The following CBL variants were observed in gnomAD, a reference collection of about 807,000 sequenced individuals.
The protein encoded by CBL is E3 ubiquitin-protein ligase CBL.
CBL carries 45 observed loss-of-function variants against 96.9 expected under a neutral mutation model. That is an observed-to-expected ratio of 0.46 (90% confidence interval 0.37 to 0.60). The LOEUF is 0.60. Among genes scored for constraint, CBL ranks in the 20% least tolerant of loss-of-function variants. The probability of loss-of-function intolerance (pLI) is 0.00; values close to 1 mark genes in which losing one functional copy is unlikely to be tolerated. For synonymous variants in CBL, 420 were observed against 426.8 expected (o/e 0.98, Z 0.20); for missense variants, 1,024 against 1,143.5 (o/e 0.90, Z 1.51).
intron 1 of CBL, among the ~76,000 whole-genome samples, chr11:119,211,073 C>G (rs1324518607): frequency 6.6e-6 from 1 of 151,966 alleles, no homozygotes; most frequent in Non-Finnish European, 1.5e-5. Flanking sequence ...TGTAGTCTTC[C>G]AAAATATCTT....
intron 2 of CBL, among the ~76,000 whole-genome samples, chr11:119,256,400 T>TG (rs1421105220): frequency 3.3e-5 from 5 of 152,064 alleles, no homozygotes; most frequent in Non-Finnish European, 7.4e-5. Context: ...AGGCTAGTCT[T>TG]GAACTCCTGA....
rs1324514051 is a variant in CBL, at chr11:119,304,399, G to T, written c.*4618G>T. ...AGAAATGTTCAAGCGGAATAAAGGA[G>T]GGAGTGGAGTTGTGGTAAGGATGCA... On this transcript the variant is annotated 3_prime_UTR_variant, in exon 16 of 16. Coordinates refer to ENST00000264033, the MANE Select transcript of CBL (RefSeq NM_005188.4). 5 of 233,092 alleles carry T rather than the reference G, an allele frequency of 2.1e-5. No individual in the cohort carries two copies. In the East Asian group the frequency reaches 2.4e-4, roughly 11 times the overall value. The allele number at this position is 233,092 out of a possible 1,614,324, so 14.4% of individuals were successfully genotyped here.
intron 2 of CBL, among the ~76,000 whole-genome samples, chr11:119,237,606 C>T (rs1949555327): frequency 6.6e-6 from 1 of 151,982 alleles, no homozygotes; most frequent in Admixed American, 6.6e-5. Context: ...TGTGGATATC[C>T]CTTTGTCTCA....
chr11:119,217,487 T>A (rs1949371787), intron 1 of CBL, among the ~76,000 whole-genome samples: 1 of 152,188 alleles, frequency 6.6e-6, no homozygotes, highest in Non-Finnish European at 1.5e-5. Context: ...AACCAGTACT[T>A]CTCAGATTTT....
rs748055961 is a variant in CBL at position 119,278,639 on chromosome 11, C to T, written c.1357C>T (p.Pro453Ser). The part of the protein sequence containing the change: ...LRQGAEGAPS[P>S]NYDDDDDERA... ...GCAAGGAGCAGAGGGAGCTCCCTCC[C>T]CAAATTATGATGATGATGATGATGA... Residue 453 changes from proline to serine, a missense_variant, in exon 9 of 16, where the codon CCA becomes TCA. Coordinates refer to ENST00000264033, the MANE Select transcript of CBL (RefSeq NM_005188.4). The T allele has an allele frequency of 7.4e-6, 12 of 1,613,888 alleles. No homozygotes were observed. The Admixed American group carries it at 1.7e-4, about 22-fold the overall frequency.
intron 9 of CBL, 26 bp downstream of exon 9, chr11:119,278,739 C>T: frequency 6.3e-7 from 1 of 1,576,970 alleles, no homozygotes; most frequent in Non-Finnish European, 8.7e-7. Context: ...AGGAGACTGG[C>T]AAAATCCATT....
intron 1 of CBL, among the ~76,000 whole-genome samples, chr11:119,219,361 A>G (rs1438492536): frequency 1.3e-5 from 2 of 148,524 alleles, no homozygotes; most frequent in East Asian, 4.1e-4. Flanking sequence ...CTGGGCACAG[A>G]GTGAGACTCT....
chr11:119,258,159 C>G (rs897132711), intron 2 of CBL, among the ~76,000 whole-genome samples: 3 of 151,976 alleles, frequency 2.0e-5, no homozygotes, highest in Admixed American at 2.0e-4. Context: ...ACCTGGGAGG[C>G]GGAGGTTGCA....
intron 2 of CBL, among the ~76,000 whole-genome samples, chr11:119,266,032 A>AAAAAAAAAAAG (rs1213584463): frequency 1.1e-4 from 16 of 148,862 alleles, no homozygotes; most frequent in Admixed American, 4.1e-4. Flanking sequence ...AAAAAAAAAA[A>AAAAAAAAAAAG]AAAGAAAGAA....
At chr11:119,299,390 G>C in intron 15 of CBL, 105 bp from the exon 16 acceptor site, 2 of 1,079,476 alleles carry the variant, frequency 1.9e-6, no homozygotes, top group South Asian at 1.3e-5. Flanking sequence ...CATGTACCCA[G>C]TTTACAGGAA....
At position 119,273,864 on chromosome 11, in the gene CBL, C is replaced by G; in HGVS notation, c.591-4C>G. 1 of 1,613,656 alleles carries G rather than the reference C, an allele frequency of 6.2e-7. No homozygotes were observed. Among genetic ancestry groups the G allele is most frequent in the Non-Finnish European group, 8.5e-7 (1 of 1,179,536 alleles). ...TTTATGCCTCCTCTCCACCCCCTCCCCAGGACAATAGTCCCTTGGAAGAGC... is the reference window on the plus strand; with the variant it reads ...TTTATGCCTCCTCTCCACCCCCTCCGCAGGACAATAGTCCCTTGGAAGAGC... On this transcript the variant is annotated splice_polypyrimidine_tract_variant and splice_region_variant and intron_variant, in intron 3 of 15. Transcript: ENST00000264033.
chr11:119,265,104 T>G (rs10892342), intron 2 of CBL, among the ~76,000 whole-genome samples: 1 of 151,862 alleles, frequency 6.6e-6, no homozygotes, highest in Non-Finnish European at 1.5e-5. Context: ...TGGTCTCAAA[T>G]TCCTGAGTTC....
chr11:119,282,362 C>G (rs1949942856), intron 9 of CBL, among the ~76,000 whole-genome samples: 1 of 150,852 alleles, frequency 6.6e-6, no homozygotes, highest in South Asian at 2.1e-4. Context: ...AAGACTATTG[C>G]AAGGATCCAT....
chr11:119,218,466 G>A (rs1016011336), intron 1 of CBL, among the ~76,000 whole-genome samples: 9 of 152,212 alleles, frequency 5.9e-5, no homozygotes, highest in Admixed American at 5.9e-4. Context: ...GCTTCCTGCT[G>A]TTTCAGTTAC....
chr11:119,274,336 A>C (rs1949871748), intron 4 of CBL, among the ~76,000 whole-genome samples: 1 of 152,150 alleles, frequency 6.6e-6, no homozygotes, highest in South Asian at 2.1e-4. Context: ...TGAATATATT[A>C]GTTTTCTGAT....
chr11:119,280,060 A>G (rs1238762958), intron 9 of CBL, among the ~76,000 whole-genome samples: 3 of 152,236 alleles, frequency 2.0e-5, no homozygotes, highest in Admixed American at 6.5e-5. Context: ...CACTTTCCCT[A>G]GCCATGTAGA....
At chr11:119,241,837 G>A (rs1565862127) in intron 2 of CBL, among the ~76,000 whole-genome samples, 1 of 152,194 alleles carries the variant, frequency 6.6e-6, no homozygotes, top group East Asian at 1.9e-4. Flanking sequence ...GGACCAAAGT[G>A]ATGGGTGTAG....
chr11:119,248,674 A>G (rs1949649190), intron 2 of CBL, among the ~76,000 whole-genome samples: 1 of 152,230 alleles, frequency 6.6e-6, no homozygotes, highest in African/African-American at 2.4e-5. Context: ...TTGTTCATCA[A>G]AGGACATATT....
At chr11:119,299,167 A>G (rs1214772154) in intron 15 of CBL, among the ~76,000 whole-genome samples, 1 of 152,250 alleles carries the variant, frequency 6.6e-6, no homozygotes, top group Non-Finnish European at 1.5e-5. Flanking sequence ...GGCGAAGTTT[A>G]GTATCTTTGG....
Sources: gnomAD v4.1 joint callset for allele counts (sites outside exome capture counted in the v4.1 genomes callset) on GRCh38, gnomAD v4.1.1 for gene constraint, MANE v1.5 for transcripts, NCBI Gene and HGNC (gene_info 2026-07-23, HGNC 2026-07-21) for gene names.